The following RNF217 variants were observed in gnomAD, a reference collection of about 807,000 sequenced individuals.
RNF217 encodes the protein E3 ubiquitin-protein ligase RNF217.
Under a neutral mutation model 57.8 loss-of-function variants are expected in RNF217, and 31 were observed. The ratio of observed to expected loss-of-function variants is 0.54; its 90% CI spans 0.40 to 0.72. The LOEUF is 0.72. Among genes scored for constraint, RNF217 ranks in the 30% least tolerant of loss-of-function variants. RNF217 has a pLI of 0.00. For missense variants in RNF217, 696 were observed against 708.3 expected, an observed-to-expected ratio of 0.98 and a Z score of 0.20; for synonymous variants, 313 against 294.0, an observed-to-expected ratio of 1.06 and a Z score of -0.66.
intron 1 of RNF217, among the ~76,000 whole-genome samples, chr6:125,039,912 G>A (rs1409562625): frequency 6.6e-6 from 1 of 152,120 alleles, no homozygotes; most frequent in Non-Finnish European, 1.5e-5. Flanking sequence ...AGGACAAAGA[G>A]ACAACATACC....
intron 1 of RNF217, among the ~76,000 whole-genome samples, chr6:124,999,790 T>TA (rs1005311247): frequency 5.3e-5 from 8 of 151,724 alleles, no homozygotes; most frequent in Admixed American, 2.0e-4. Flanking sequence ...ATTGTAACGT[T>TA]AAAAAAAAAT....
intron 1 of RNF217, among the ~76,000 whole-genome samples, chr6:124,971,810 G>A (rs1783773529): frequency 6.6e-6 from 1 of 152,144 alleles, no homozygotes; most frequent in African/African-American, 2.4e-5. Context: ...CTAAGTTTCT[G>A]GTCATTCCTT....
intron 1 of RNF217, among the ~76,000 whole-genome samples, chr6:124,998,680 A>G (rs1029177265): frequency 6.6e-6 from 1 of 152,112 alleles, no homozygotes; most frequent in Non-Finnish European, 1.5e-5. Context: ...GTGCACCTGT[A>G]GTCCCAGCTA....
At chr6:125,044,733 C>A (rs1396989402) in intron 1 of RNF217, among the ~76,000 whole-genome samples, 2 of 152,062 alleles carry the variant, frequency 1.3e-5, no homozygotes, top group Admixed American at 6.6e-5. Flanking sequence ...ATTACAAAAT[C>A]TTTTGTTCTT....
chr6:125,000,961 T>A lies in RNF217; in HGVS notation c.882+37535T>A, dbSNP rs192153213. Among the ~76,000 whole-genome samples the A allele has an allele frequency of 9.5e-4, 144 of 152,290 alleles. 1 individual carries two copies. Among genetic ancestry groups the A allele is most frequent in the African/African-American group, 3.1e-3 (129 of 41,586 alleles). ...ATGGAAGTATGATGTATGAGAAATG[T>A]CTTTCAATTACATATAGTGAAAACA... On this transcript the variant is annotated intron_variant, in intron 1 of 5. Coordinates refer to ENST00000521654, the MANE Select transcript of RNF217 (RefSeq NM_001286398.3).
chr6:124,982,194 CT>C (rs997399891), intron 1 of RNF217, among the ~76,000 whole-genome samples: 5 of 151,944 alleles, frequency 3.3e-5, no homozygotes, highest in African/African-American at 1.2e-4. Flanking sequence ...TGACTTTTCC[CT>C]TGGCTTAGTG....
At chr6:125,030,270 A>G (rs1786297362) in intron 1 of RNF217, among the ~76,000 whole-genome samples, 1 of 152,154 alleles carries the variant, frequency 6.6e-6, no homozygotes, top group Admixed American at 6.5e-5. Context: ...AAACCATATC[A>G]TTCTGCCCCT....
chr6:125,065,194 G>C (rs983506197), intron 3 of RNF217, among the ~76,000 whole-genome samples: 4 of 151,378 alleles, frequency 2.6e-5, no homozygotes, highest in Non-Finnish European at 4.4e-5. Context: ...GGGAGGCTGA[G>C]GCAGGAGAAT....
rs1052725326 is a variant in RNF217, at chr6:125,086,880, C to T, written c.*3943C>T. ...CTGTGACTCTGACTATCTCTTGAGT[C>T]CCAAGGCTCCAATTGAGCCTTTATC... On this transcript the variant is annotated 3_prime_UTR_variant, in exon 6 of 6. Transcript: ENST00000521654. 2 of 152,112 alleles carry T rather than the reference C, an allele frequency of 1.3e-5. No individual in the cohort carries two copies. The allele number at this position is 152,112 out of a possible 1,614,324, so 9.4% of individuals were successfully genotyped here.
chr6:125,071,231 C>A (rs562254278), intron 3 of RNF217, among the ~76,000 whole-genome samples: 1 of 152,272 alleles, frequency 6.6e-6, no homozygotes, highest in Admixed American at 6.5e-5. Flanking sequence ...GTGAAAGTAA[C>A]ATGCGTTTGG....
chr6:125,022,992 C>A (rs4895621), intron 1 of RNF217, among the ~76,000 whole-genome samples: 133,814 of 152,124 alleles, frequency 0.88, 60,014 homozygotes, highest in Non-Finnish European at 0.98. Context: ...TTAGAGATGC[C>A]AGAATAAACA....
chr6:125,049,448 A>G (rs1032813104), intron 2 of RNF217, among the ~76,000 whole-genome samples: 22 of 152,050 alleles, frequency 1.4e-4, no homozygotes, highest in African/African-American at 5.3e-4. Context: ...TTCATTTAAG[A>G]GTAAACACAT....
At position 124,962,762 on chromosome 6, in the gene RNF217, T is replaced by G; in HGVS notation, c.218T>G (p.Leu73Arg). The G allele has an allele frequency of 6.3e-6, 10 of 1,592,828 alleles. No individual in the cohort carries two copies. Among genetic ancestry groups the G allele is most frequent in the Non-Finnish European group, 8.5e-6 (10 of 1,178,054 alleles). ...AGCGCCCCAGAGCCCGCGAGGAGCC[T>G]GGGGCCCCCGGGCTGGAGTAAGAGC... ...DTSAPEPARSLGPPGWSKSRA... is the reference protein window; with the variant it reads ...DTSAPEPARSRGPPGWSKSRA... The change falls in exon 1 of 6, where the codon CTG becomes CGG. Residue 73 changes from leucine (L) to arginine (R), a missense_variant. Transcript: ENST00000521654. The surrounding 1 kb of genome is among the most constrained non-coding windows in gnomAD (Gnocchi z 4.6).
In RNF217 at chr6:125,087,988, T is replaced by C. The variant is rs1262900649; in HGVS notation, c.*5051T>C. The stretch of plus-strand genomic sequence containing the variant: ...TAATTTAATTATGATACTGTCCCCC[T>C]AATATGGAAAATAAGTTACAAAATT... On this transcript the variant is annotated 3_prime_UTR_variant, in exon 6 of 6. Coordinates refer to ENST00000521654, the MANE Select transcript of RNF217 (RefSeq NM_001286398.3). 7.1e-6 allele frequency: 1 copy of C among 140,326 alleles called. No homozygotes were observed. Among genetic ancestry groups the C allele is most frequent in the African/African-American group, 3.1e-5 (1 of 32,588 alleles). 8.7% of individuals were successfully genotyped at this position (140,326 alleles called of 1,614,324 possible).
At chr6:125,023,361 T>C (rs1363560177) in intron 1 of RNF217, among the ~76,000 whole-genome samples, 1 of 152,162 alleles carries the variant, frequency 6.6e-6, no homozygotes, top group African/African-American at 2.4e-5. Flanking sequence ...AGTTTTCACT[T>C]TATCCTGAAC....
At chr6:125,011,270 A>G (rs1458012978) in intron 1 of RNF217, among the ~76,000 whole-genome samples, 1 of 152,180 alleles carries the variant, frequency 6.6e-6, no homozygotes, top group East Asian at 1.9e-4. Context: ...TCTCACCTCC[A>G]ATGATATAGG....
chr6:124,990,962 G>A (rs184970284), intron 1 of RNF217, among the ~76,000 whole-genome samples: 11 of 152,268 alleles, frequency 7.2e-5, no homozygotes, highest in Non-Finnish European at 1.2e-4. Context: ...CTAGCTACCC[G>A]AGAGGGAGGT....
chr6:125,039,478 T>C (rs1010310579), intron 1 of RNF217, among the ~76,000 whole-genome samples: 1 of 152,126 alleles, frequency 6.6e-6, no homozygotes, highest in African/African-American at 2.4e-5. Context: ...CAAAGAGACT[T>C]AGACTCTCAC....
chr6:125,067,979 C>T (rs1165878722), intron 3 of RNF217, among the ~76,000 whole-genome samples: 3 of 152,098 alleles, frequency 2.0e-5, no homozygotes, highest in Non-Finnish European at 4.4e-5. Context: ...TACTGAGCGA[C>T]TGATTAAGTG....
Sources: allele counts gnomAD v4.1 joint callset (sites outside exome capture counted in the v4.1 genomes callset), GRCh38; gene constraint gnomAD v4.1.1; non-coding constraint Gnocchi (gnomAD v3.1); transcripts MANE v1.5; gene names NCBI Gene and HGNC (gene_info 2026-07-23, HGNC 2026-07-21).